The following DSC2 variants were observed in gnomAD, a reference collection of about 807,000 sequenced individuals.
DSC2 encodes the protein desmocollin-2.
DSC2 carries 51 observed loss-of-function variants against 87.6 expected under a neutral mutation model. That is an observed-to-expected ratio of 0.58 (90% CI 0.46 to 0.74). The LOEUF is 0.74. DSC2 is among the 30% of genes least tolerant of loss of function. The pLI, the probability that DSC2 is intolerant of heterozygous loss-of-function variation, is 0.00. For missense variants in DSC2, 1,066 were observed against 1,089.5 expected, an observed-to-expected ratio of 0.98 and a Z score of 0.30; for synonymous variants, 383 against 393.2, an observed-to-expected ratio of 0.97 and a Z score of 0.31.
At chr18:31,075,645 G>A (rs1986990680) in intron 11 of DSC2, among the ~76,000 whole-genome samples, 1 of 152,202 alleles carries the variant, frequency 6.6e-6, no homozygotes, top group African/African-American at 2.4e-5. Context: ...GAGGTCAGGA[G>A]TTCGAGACCA....
intron 14 of DSC2, 122 bp from the exon 15 acceptor site, chr18:31,069,273 A>G (rs1986747456): frequency 1.6e-6 from 2 of 1,243,468 alleles, no homozygotes; most frequent in Non-Finnish European, 2.3e-6. Flanking sequence ...GCTCTCTGAG[A>G]GCAGGAACTA....
chr18:31,073,698 G>A (rs1986908800), intron 12 of DSC2, among the ~76,000 whole-genome samples: 1 of 152,176 alleles, frequency 6.6e-6, no homozygotes, highest in Non-Finnish European at 1.5e-5. Flanking sequence ...ATGGTCCATA[G>A]GCAGTGTGAG....
chr18:31,088,126 A>T (rs1987468331), intron 5 of DSC2, among the ~76,000 whole-genome samples: 1 of 152,158 alleles, frequency 6.6e-6, no homozygotes, highest in Non-Finnish European at 1.5e-5. Flanking sequence ...AGCCTTGAAG[A>T]CTTCTTTATT....
chr18:31,070,750 T>C lies in DSC2; in HGVS notation c.2226A>G (p.Thr742=), dbSNP rs142807209. The part of the protein sequence containing the change: ...LAQQNLIVSN[T]EAPGDDKVYS... The stretch of plus-strand genomic sequence containing the variant: ...CCACTTTGTCATCTCCAGGAGCTTC[T>C]GTGTTTGATACAATTAGGTTCTGCT... Residue 742 remains threonine (T), a synonymous_variant, in exon 14 of 16, where the codon ACA becomes ACG. Coordinates refer to ENST00000280904, the MANE Select transcript of DSC2 (RefSeq NM_024422.6). The C allele has an allele frequency of 2.2e-5, 35 of 1,613,830 alleles. No individual in the cohort carries two copies. In the African/African-American group the frequency reaches 4.1e-4, roughly 19 times the overall value.
At chr18:31,077,926 G>C (rs1036056676) in intron 11 of DSC2, among the ~76,000 whole-genome samples, 2 of 152,184 alleles carry the variant, frequency 1.3e-5, no homozygotes, top group African/African-American at 2.4e-5. Context: ...AAGAAGTTAA[G>C]AAGAAAAGAT....
intron 7 of DSC2, among the ~76,000 whole-genome samples, 165 bp from the exon 8 acceptor site, chr18:31,083,225 C>CTTTTCTTTTCTTTCT (rs1987289615): frequency 2.0e-5 from 3 of 152,124 alleles, no homozygotes; most frequent in African/African-American, 7.2e-5. Flanking sequence ...AGTAATTTTT[C>CTTTTCTTTTCTTTCT]TTTTCTTTTC....
At chr18:31,098,523 C>G (rs529632629) in intron 1 of DSC2, among the ~76,000 whole-genome samples, 1 of 151,940 alleles carries the variant, frequency 6.6e-6, no homozygotes, top group African/African-American at 2.4e-5. Context: ...GGTGCGATCT[C>G]GGTTCACTGA....
chr18:31,069,396 G>A (rs1355600823), intron 14 of DSC2, among the ~76,000 whole-genome samples: 3 of 152,054 alleles, frequency 2.0e-5, no homozygotes, highest in African/African-American at 7.2e-5. Flanking sequence ...TAGGAAGCTT[G>A]ATGTATATTC....
At chr18:31,081,559 T>G (rs1184777893) in intron 9 of DSC2, among the ~76,000 whole-genome samples, 1 of 152,138 alleles carries the variant, frequency 6.6e-6, no homozygotes, top group Non-Finnish European at 1.5e-5. Context: ...GGAAAATGGA[T>G]TCATCATTTT....
chr18:31,087,641 G>T (rs1414209726), intron 6 of DSC2, 28 bp downstream of exon 6: 7 of 1,598,540 alleles, frequency 4.4e-6, no homozygotes, highest in African/African-American at 1.3e-5. Flanking sequence ...CAGTTAATTT[G>T]CCATATATTG....
intron 5 of DSC2, among the ~76,000 whole-genome samples, chr18:31,088,166 G>A (rs1057303770): frequency 6.6e-6 from 1 of 152,138 alleles, no homozygotes; most frequent in Non-Finnish European, 1.5e-5. Context: ...CAGGTGCATG[G>A]ATTTTAAATA....
At position 31,102,190 on chromosome 18, in the gene DSC2, C is replaced by T. The variant is rs539472062; in HGVS notation, c.-219G>A. 6.4e-6 allele frequency: 3 copies of T among 465,274 alleles called. No individual in the cohort carries two copies. In the East Asian group the frequency reaches 1.1e-4, roughly 17 times the overall value. 28.8% of individuals were successfully genotyped at this position (465,274 alleles called of 1,614,324 possible). On this transcript the variant is annotated 5_prime_UTR_variant, in exon 1 of 16. Coordinates refer to ENST00000280904, the MANE Select transcript of DSC2 (RefSeq NM_024422.6). ...CTTTGGCGGAGGGAGGGGCTCCAGA[C>T]GCGTCCAAAAGACACCGATCGGCCC... is the stretch of plus-strand genomic sequence containing the variant.
At chr18:31,071,946 T>A in intron 12 of DSC2, 105 bp from the exon 13 acceptor site, 1 of 1,025,252 alleles carries the variant, frequency 9.8e-7, no homozygotes, top group Non-Finnish European at 1.5e-6. Flanking sequence ...GAAACAGATA[T>A]TCCTGATGGG....
chr18:31,076,900 A>G (rs920201363), intron 11 of DSC2, among the ~76,000 whole-genome samples: 1 of 152,226 alleles, frequency 6.6e-6, no homozygotes, highest in African/African-American at 2.4e-5. Flanking sequence ...ATCAGCAAGA[A>G]GAGATACCAG....
chr18:31,088,838 A>C (rs1160081165), intron 5 of DSC2, among the ~76,000 whole-genome samples: 1 of 152,022 alleles, frequency 6.6e-6, no homozygotes, highest in African/African-American at 2.4e-5. Context: ...CCATACTATA[A>C]AGAGGTTCAC....
chr18:31,093,526 C>A (rs754561730), intron 2 of DSC2, 33 bp downstream of exon 2: 1 of 1,542,774 alleles, frequency 6.5e-7, no homozygotes, highest in Admixed American at 1.7e-5. Context: ...CACAGCAAAA[C>A]AGGATTTATT....
At chr18:31,074,621 A>T in intron 12 of DSC2, 62 bp downstream of exon 12, 1 of 1,490,196 alleles carries the variant, frequency 6.7e-7, no homozygotes. Context: ...CATACAAAAA[A>T]AAAAAAGTAT....
At position 31,068,133 on chromosome 18, in the gene DSC2, C is replaced by T. The variant is rs778423904; in HGVS notation, c.2588G>A (p.Gly863Glu). The T allele has an allele frequency of 3.7e-6, 6 of 1,614,080 alleles. No homozygotes were observed. In the South Asian group the frequency reaches 5.5e-5, roughly 15 times the overall value. The change falls in exon 16 of 16, where the codon GGA (glycine) becomes GAA (glutamate). Residue 863 changes from glycine to glutamate, a missense_variant. By Grantham distance (98) the Gly-to-Glu change is moderately conservative. Transcript: ENST00000280904. The stretch of plus-strand genomic sequence containing the variant: ...ACAACCTACAGACCCAGCCACCGAT[C>T]CTCTTCCTTCATAGTTATATGTCAG... ...YVLTYNYEGRGSVAGSVGCCS... is the reference protein window; with the variant it reads ...YVLTYNYEGRESVAGSVGCCS...
Position 31,080,571 on chromosome 18 carries a change from G to A in DSC2, c.1264-219C>T, listed in dbSNP as rs1225621853. ...CCAATGTTGGGGGAGGGACCTGAGG[G>A]AAGGTGATTGGATCATGGGGGTGGA... On this transcript the variant is annotated intron_variant, in intron 9 of 15. Transcript: ENST00000280904. Among the ~76,000 whole-genome samples the A allele has an allele frequency of 2.6e-5, 4 of 152,162 alleles. 1 individual carries two copies. The highest frequency in any genetic ancestry group is 5.9e-5 in the Non-Finnish European group (4 of 68,034).
Sources: allele counts gnomAD v4.1 joint callset (sites outside exome capture counted in the v4.1 genomes callset), GRCh38; gene constraint gnomAD v4.1.1; transcripts MANE v1.5; gene names NCBI Gene and HGNC (gene_info 2026-07-23, HGNC 2026-07-21).